Variants in NBPF15 observed in about 807,000 individuals in gnomAD.
The protein encoded by NBPF15 is NBPF member 15, also known as NBPF family member NBPF15.
Under a neutral mutation model 62.2 loss-of-function variants are expected in NBPF15, and 74 were observed. The observed-to-expected ratio is 1.19, with a 90% CI of 0.99 to 1.44. The LOEUF is 1.44. Ranked by LOEUF, NBPF15 falls within the 40% of genes most tolerant of loss-of-function variation. The pLI is 0.00. For missense variants in NBPF15, 790 were observed against 550.0 expected (o/e 1.44, Z -4.36); for synonymous variants, 244 against 209.7 (o/e 1.16, Z -1.41).
At position 144,423,066 on chromosome 1, in the gene NBPF15, T is replaced by A. The variant is rs375495678; in HGVS notation, c.1960A>T (p.Thr654Ser). The A allele has an allele frequency of 6.2e-7, 1 of 1,611,614 alleles. No homozygotes were observed. The highest frequency in any genetic ancestry group is 8.5e-7 in the Non-Finnish European group (1 of 1,179,618). ...LYVDNRFFTL[T>S]VTSLHLVFQM... is the part of the protein sequence containing the mutation. ...AACACCAGGTGGAGACTTGTCACCG[T>A]CAAAGTAAAAAACCTATTGTCCACG... is the stretch of plus-strand genomic sequence containing the variant. Residue 654 changes from threonine to serine, a missense_variant, in exon 22 of 22, where the codon ACG (threonine) becomes TCG (serine). Coordinates refer to ENST00000581897, the MANE Select transcript of NBPF15 (RefSeq NM_001385408.1).
At chr1:144,447,056 G>A (rs1374392421) in intron 6 of NBPF15, among the ~76,000 whole-genome samples, 3 of 151,422 alleles carry the variant, frequency 2.0e-5, no homozygotes, top group East Asian at 1.9e-4. Flanking sequence ...ACCACCACAT[G>A]TCCCTGCCTC....
intron 6 of NBPF15, among the ~76,000 whole-genome samples, chr1:144,447,808 A>G (rs1372006628): frequency 6.6e-6 from 1 of 152,088 alleles, no homozygotes; most frequent in Non-Finnish European, 1.5e-5. Context: ...ATGCCTTTCT[A>G]ATTTGAAATA....
chr1:144,424,666 T>C (rs1668320190), intron 20 of NBPF15, 24 bp downstream of exon 20: 2 of 638,732 alleles, frequency 3.1e-6, no homozygotes, highest in South Asian at 1.9e-5. Flanking sequence ...TGGATCCTTA[T>C]CACCTTCATA....
At chr1:144,439,344 C>T (rs1369385459) in intron 8 of NBPF15, among the ~76,000 whole-genome samples, 6 of 151,980 alleles carry the variant, frequency 3.9e-5, no homozygotes, top group Non-Finnish European at 8.8e-5. Flanking sequence ...GAGTAGACTC[C>T]TCTTGAAGCC....
intron 13 of NBPF15, among the ~76,000 whole-genome samples, chr1:144,432,150 A>T (rs1313154967): frequency 1.2e-4 from 18 of 152,172 alleles, no homozygotes; most frequent in South Asian, 4.1e-4. Flanking sequence ...CCTCTCCAGC[A>T]TCTTCAACCT....
At chr1:144,449,635 C>T (rs1437256415) in intron 5 of NBPF15, among the ~76,000 whole-genome samples, 5 of 151,906 alleles carry the variant, frequency 3.3e-5, no homozygotes, top group Non-Finnish European at 7.4e-5. Flanking sequence ...GAGCAGAGAG[C>T]CCAGAGGTAA....
intron 21 of NBPF15, 105 bp from the exon 22 acceptor site, chr1:144,423,361 G>C: frequency 6.3e-7 from 1 of 1,599,782 alleles, no homozygotes; most frequent in Non-Finnish European, 8.5e-7. Context: ...AAAAGAAAAA[G>C]GATAGATTCA....
intron 20 of NBPF15, 43 bp from the exon 21 acceptor site, chr1:144,424,018 C>A (rs1449484866): frequency 5.2e-6 from 4 of 761,916 alleles, no homozygotes; most frequent in Non-Finnish European, 7.2e-6. Flanking sequence ...AAGCTGATTC[C>A]CCTACACATA....
chr1:144,426,690 C>T (rs587663153), intron 17 of NBPF15, among the ~76,000 whole-genome samples: 15 of 151,440 alleles, frequency 9.9e-5, no homozygotes, highest in South Asian at 2.1e-4. Flanking sequence ...GCGAATTGGC[C>T]GGGTGACACA....
At chr1:144,435,075 G>T in intron 12 of NBPF15, 36 bp downstream of exon 12, 1 of 1,611,914 alleles carries the variant, frequency 6.2e-7, no homozygotes, top group Non-Finnish European at 8.5e-7. Context: ...CCTCAGCCTA[G>T]AGAGAGGTAT....
intron 3 of NBPF15, among the ~76,000 whole-genome samples, chr1:144,458,624 T>C (rs1649980133): frequency 6.7e-6 from 1 of 150,334 alleles, no homozygotes; most frequent in Non-Finnish European, 1.5e-5. Flanking sequence ...CACACTAATT[T>C]CATAAATTGG....
intron 3 of NBPF15, among the ~76,000 whole-genome samples, chr1:144,458,178 C>T (rs1177694556): frequency 6.6e-6 from 1 of 151,954 alleles, no homozygotes; most frequent in Non-Finnish European, 1.5e-5. Flanking sequence ...CTTTAAATGG[C>T]TTAACGCTTA....
intron 13 of NBPF15, among the ~76,000 whole-genome samples, chr1:144,431,067 G>A (rs1673869789): frequency 6.6e-6 from 1 of 151,708 alleles, no homozygotes; most frequent in African/African-American, 2.4e-5. Flanking sequence ...AATAAATATG[G>A]GACTATGTGG....
rs1163628581 is a variant in NBPF15, at chr1:144,425,532, C to A, written c.1475G>T (p.Gly492Val). 4.4e-6 allele frequency: 2 copies of A among 457,260 alleles called. No individual in the cohort carries two copies. The highest frequency in any genetic ancestry group is 7.5e-6 in the Non-Finnish European group (2 of 265,560). 28.3% of individuals were successfully genotyped at this position (457,260 alleles called of 1,614,324 possible). A position where few individuals can be genotyped will look rare whatever the true frequency, so the allele number is the denominator to read the frequency against. ...KKDQEEEEDQ[G>V]PPCPRLSREL... Reference sequence around the variant, plus strand: ...GCTCAGTTACCTGGGGCATGGTGGGCCTTGGTCTTCTTCCTCTTCTTGGTC... The same window carrying A: ...GCTCAGTTACCTGGGGCATGGTGGGACTTGGTCTTCTTCCTCTTCTTGGTC... Residue 492 changes from glycine to valine, a missense_variant, in exon 19 of 22, where the codon GGC (glycine) becomes GTC (valine). Transcript: ENST00000581897.
intron 12 of NBPF15, among the ~76,000 whole-genome samples, chr1:144,434,863 C>A (rs1197875508): frequency 6.6e-6 from 1 of 152,000 alleles, no homozygotes; most frequent in East Asian, 1.9e-4. Flanking sequence ...CAGATATGGC[C>A]TGTGCACCTC....
intron 8 of NBPF15, among the ~76,000 whole-genome samples, chr1:144,439,016 C>G (rs1253390153): frequency 4.6e-5 from 7 of 151,732 alleles, no homozygotes; most frequent in African/African-American, 1.7e-4. Flanking sequence ...AACAGTCTTG[C>G]CCTGTCGCCC....
intron 14 of NBPF15, 121 bp from the exon 15 acceptor site, chr1:144,428,778 T>G (rs1671935828): frequency 1.6e-6 from 1 of 608,160 alleles, no homozygotes; most frequent in Non-Finnish European, 2.9e-6. Context: ...ACAGGAGACT[T>G]TGAGAGAAAT....
chr1:144,428,536 C>G (rs1671706155), intron 15 of NBPF15, 70 bp downstream of exon 15: 8 of 675,354 alleles, frequency 1.2e-5, no homozygotes, highest in Non-Finnish European at 2.1e-5. Context: ...TCAGCATGTA[C>G]TGTTTTCCCT....
At chr1:144,427,594 G>A (rs2101712888) in intron 16 of NBPF15, among the ~76,000 whole-genome samples, 1 of 146,280 alleles carries the variant, frequency 6.8e-6, no homozygotes, top group Non-Finnish European at 1.5e-5. Context: ...TAGGATTAGG[G>A]CGCCACAGGC....
Sources: gnomAD v4.1 joint callset for allele counts (sites outside exome capture counted in the v4.1 genomes callset) on GRCh38, gnomAD v4.1.1 for gene constraint, MANE v1.5 for transcripts, NCBI Gene and HGNC (gene_info 2026-07-23, HGNC 2026-07-21) for gene names.